The following GABRB2 variants were observed in gnomAD, a reference collection of about 807,000 sequenced individuals.
The protein encoded by GABRB2 is gamma-aminobutyric acid receptor subunit beta-2.
GABRB2 carries 16 observed loss-of-function variants against 54.7 expected under a neutral mutation model. That is an observed-to-expected ratio of 0.29 (90% CI 0.20 to 0.44). The LOEUF is 0.44. GABRB2 is among the 20% of genes least tolerant of loss of function. The probability of loss-of-function intolerance (pLI) is 1.00; values close to 1 mark genes in which losing one functional copy is unlikely to be tolerated. For missense variants in GABRB2, 355 were observed against 644.0 expected (o/e 0.55, Z 4.86); for synonymous variants, 244 against 233.8 (o/e 1.04, Z -0.40).
chr5:161,452,692 AT>A lies in GABRB2; in HGVS notation c.458+6931del, dbSNP rs879560167. Among the ~76,000 whole-genome samples, 428 of 148,018 alleles carry A rather than the reference AT, an allele frequency of 2.9e-3. 1 individual carries two copies. Among genetic ancestry groups the A allele is most frequent in the Non-Finnish European group, 3.9e-3 (259 of 66,648 alleles). ...TGCACTTATACCTCCTGAACCTAAA[AT>A]TTTTTTTTTTTAATTGTAGGCCAAG... On this transcript the variant is annotated intron_variant, in intron 4 of 9. Transcript: ENST00000393959.
chr5:161,546,453 A>G lies in GABRB2; in HGVS notation c.78-40T>C, dbSNP rs751046119. 9 of 1,591,256 alleles carry G rather than the reference A, an allele frequency of 5.7e-6. No individual in the cohort carries two copies. The African/African-American group carries it at 8.1e-5, about 14-fold the overall frequency. ...GACAATAAGCAGGCATCAATAAGGA[A>G]GCAGGCATAGCGTTTTCAGCATCGG... On this transcript the variant is annotated intron_variant, in intron 1 of 9. Coordinates refer to ENST00000393959, the MANE Select transcript of GABRB2 (RefSeq NM_001371727.1).
chr5:161,333,069 A>G (rs1374464962), intron 7 of GABRB2, among the ~76,000 whole-genome samples: 1 of 152,218 alleles, frequency 6.6e-6, no homozygotes, highest in African/African-American at 2.4e-5. Flanking sequence ...TCTAAATCTC[A>G]TTTTAAAGTA....
intron 9 of GABRB2, among the ~76,000 whole-genome samples, chr5:161,305,806 G>A (rs994318101): frequency 2.6e-5 from 4 of 152,204 alleles, no homozygotes; most frequent in Admixed American, 2.6e-4. Flanking sequence ...CATTTCTAAT[G>A]CACAGGAGTA....
chr5:161,336,522 G>T, intron 6 of GABRB2, 110 bp downstream of exon 6: 1 of 1,258,598 alleles, frequency 7.9e-7, no homozygotes, highest in Non-Finnish European at 1.1e-6. Context: ...CAGTGGATTT[G>T]TCTTGTAAAG....
chr5:161,499,639 A>C (rs1759366206), intron 3 of GABRB2, among the ~76,000 whole-genome samples: 1 of 152,202 alleles, frequency 6.6e-6, no homozygotes, highest in Non-Finnish European at 1.5e-5. Context: ...AAAATACAAC[A>C]AAAATAATTG....
chr5:161,418,080 A>C (rs1756734262), intron 4 of GABRB2, among the ~76,000 whole-genome samples: 1 of 152,176 alleles, frequency 6.6e-6, no homozygotes, highest in Non-Finnish European at 1.5e-5. Flanking sequence ...TCTGCAAAGA[A>C]ACTGTGACCA....
chr5:161,423,297 C>A (rs920359139), intron 4 of GABRB2, among the ~76,000 whole-genome samples: 6 of 152,010 alleles, frequency 3.9e-5, no homozygotes, highest in African/African-American at 9.7e-5. Context: ...AGAAAGATTT[C>A]GAGATAGGCA....
At chr5:161,404,466 C>T (rs537492332) in intron 5 of GABRB2, among the ~76,000 whole-genome samples, 3 of 151,970 alleles carry the variant, frequency 2.0e-5, no homozygotes, top group Non-Finnish European at 4.4e-5. Flanking sequence ...TTATGTGACA[C>T]CTCCACTTTA....
intron 5 of GABRB2, among the ~76,000 whole-genome samples, chr5:161,394,100 A>C (rs548946459): frequency 6.6e-6 from 1 of 152,220 alleles, no homozygotes; most frequent in African/African-American, 2.4e-5. Flanking sequence ...GAAGTAAAAC[A>C]ATACATTTCC....
intron 6 of GABRB2, 143 bp downstream of exon 6, chr5:161,336,489 C>T (rs1753996953): frequency 1.0e-6 from 1 of 973,286 alleles, no homozygotes; most frequent in Non-Finnish European, 1.5e-6. Context: ...GAACAATAGA[C>T]TTCATGGGAA....
At chr5:161,455,274 C>T (rs1757916868) in intron 4 of GABRB2, among the ~76,000 whole-genome samples, 2 of 152,126 alleles carry the variant, frequency 1.3e-5, no homozygotes. Context: ...GCTTTGAGCA[C>T]CCCTCTCCGG....
At chr5:161,442,408 G>GCCTA in intron 4 of GABRB2, among the ~76,000 whole-genome samples, 1 of 152,186 alleles carries the variant, frequency 6.6e-6, no homozygotes, top group Admixed American at 6.5e-5. Flanking sequence ...CCACTCTCGT[G>GCCTA]CAGAATCTTC....
chr5:161,454,609 T>C (rs1465030485), intron 4 of GABRB2, among the ~76,000 whole-genome samples: 2 of 152,194 alleles, frequency 1.3e-5, no homozygotes, highest in Middle Eastern at 3.2e-3. Flanking sequence ...GCACTTACTA[T>C]CCACCAATTA....
chr5:161,459,526 G>T, intron 4 of GABRB2, 98 bp downstream of exon 4: 1 of 1,023,742 alleles, frequency 9.8e-7, no homozygotes, highest in Non-Finnish European at 1.5e-6. Context: ...TAGTAGAATT[G>T]AAGAAAGATA....
At chr5:161,368,116 G>GAC (rs11467721) in intron 5 of GABRB2, among the ~76,000 whole-genome samples, 2,841 of 144,964 alleles carry the variant, frequency 0.02, 57 homozygotes, top group African/African-American at 0.048. Flanking sequence ...CTCCCTCTCT[G>GAC]ACACACACAC....
chr5:161,360,224 A>G (rs11960354), intron 5 of GABRB2, among the ~76,000 whole-genome samples: 3,661 of 152,284 alleles, frequency 0.024, 146 homozygotes, highest in African/African-American at 0.082. Context: ...AAAAGCAACA[A>G]TGGCTCTTTA....
chr5:161,483,011 T>G (rs550390103), intron 3 of GABRB2, among the ~76,000 whole-genome samples: 4 of 152,188 alleles, frequency 2.6e-5, no homozygotes. Flanking sequence ...GAATATTACA[T>G]GCATTCTGTA....
At chr5:161,406,267 T>C (rs1207052853) in intron 5 of GABRB2, among the ~76,000 whole-genome samples, 1 of 152,092 alleles carries the variant, frequency 6.6e-6, no homozygotes, top group Non-Finnish European at 1.5e-5. Flanking sequence ...CCCTACAAAG[T>C]AAAATAAATT....
rs924001339 is a variant in GABRB2, at chr5:161,546,313, C to T, written c.169+9G>A. 1 of 1,611,806 alleles carries T rather than the reference C, an allele frequency of 6.2e-7. No individual in the cohort carries two copies. The highest frequency in any genetic ancestry group is 1.3e-5 in the African/African-American group (1 of 75,006). ...GTGGCTGGACTTATTTGCAAGGCAA[C>T]CCCATTACCTCCAAAATCTGGTCTC... On this transcript the variant is annotated intron_variant, in intron 2 of 9. Coordinates refer to ENST00000393959, the MANE Select transcript of GABRB2 (RefSeq NM_001371727.1).
Sources: gnomAD v4.1 joint callset for allele counts (sites outside exome capture counted in the v4.1 genomes callset) on GRCh38, gnomAD v4.1.1 for gene constraint, MANE v1.5 for transcripts, NCBI Gene and HGNC (gene_info 2026-07-23, HGNC 2026-07-21) for gene names.